The following EYS variants were observed in gnomAD, a reference collection of about 807,000 sequenced individuals.
The protein encoded by EYS is EGF-like photoreceptor maintenance factor, also known as protein eyes shut homolog.
EYS carries 250 observed loss-of-function variants against 282.1 expected under a neutral mutation model. That is an observed-to-expected ratio of 0.89 (90% CI 0.80 to 0.98). The LOEUF (loss-of-function observed/expected upper bound fraction) is 0.98. Among genes scored for constraint, EYS ranks in the 50% least tolerant of loss-of-function variants. The pLI, the probability that EYS is intolerant of heterozygous loss-of-function variation, is 0.00. For synonymous variants in EYS, 1,355 were observed against 1,282.9 expected, an observed-to-expected ratio of 1.06 and a Z score of -1.20; for missense variants, 4,016 against 3,709.0, an observed-to-expected ratio of 1.08 and a Z score of -2.15.
At chr6:64,154,785 A>G (rs1774860981) in intron 31 of EYS, among the ~76,000 whole-genome samples, 1 of 152,170 alleles carries the variant, frequency 6.6e-6, no homozygotes, top group Non-Finnish European at 1.5e-5. Context: ...TATACCATAT[A>G]CACAATTGTG....
intron 5 of EYS, among the ~76,000 whole-genome samples, chr6:65,478,410 G>T (rs1765484929): frequency 6.6e-6 from 1 of 152,088 alleles, no homozygotes; most frequent in Admixed American, 6.6e-5. Context: ...ATGAGAAGTT[G>T]TTATGCCAAA....
At chr6:64,347,594 G>GA (rs11377414) in intron 29 of EYS, among the ~76,000 whole-genome samples, 105,413 of 149,888 alleles carry the variant, frequency 0.7, 37,148 homozygotes, top group African/African-American at 0.75. Context: ...GATACGCAAA[G>GA]AAAAAAAAAC....
chr6:65,255,983 C>G (rs972363199), intron 12 of EYS, among the ~76,000 whole-genome samples: 10 of 152,008 alleles, frequency 6.6e-5, no homozygotes, highest in Non-Finnish European at 1.0e-4. Context: ...TATGATCCAG[C>G]AATCCTGTGC....
intron 30 of EYS, among the ~76,000 whole-genome samples, chr6:64,262,386 T>C (rs1365278837): frequency 6.6e-6 from 1 of 151,666 alleles, no homozygotes; most frequent in African/African-American, 2.4e-5. Context: ...ACAAATTGCA[T>C]AATTTGTATT....
chr6:64,755,543 C>T (rs1285068920), intron 22 of EYS, among the ~76,000 whole-genome samples: 2 of 145,862 alleles, frequency 1.4e-5, no homozygotes, highest in Non-Finnish European at 3.0e-5. Flanking sequence ...CACACACACA[C>T]ACGGAATACT....
chr6:64,986,609 T>C (rs1468106948), intron 14 of EYS, among the ~76,000 whole-genome samples: 1 of 151,408 alleles, frequency 6.6e-6, no homozygotes, highest in East Asian at 1.9e-4. Flanking sequence ...TTTGTTTCTA[T>C]GTATTAGGTT....
intron 33 of EYS, among the ~76,000 whole-genome samples, chr6:64,054,113 A>C (rs1303797611): frequency 2.0e-5 from 3 of 152,158 alleles, no homozygotes; most frequent in African/African-American, 7.2e-5. Flanking sequence ...CTTTATTCCT[A>C]GCATTCTTAT....
chr6:63,720,791 G>A lies in EYS; in HGVS notation c.9240C>T (p.Asn3080=), dbSNP rs1185165088. 6.4e-7 allele frequency: 1 copy of A among 1,550,806 alleles called. No homozygotes were observed. The highest frequency in any genetic ancestry group is 8.7e-7 in the Non-Finnish European group (1 of 1,146,532). ...IDPHKNFVAL[N]YDGICYLGGF... is the part of the protein sequence containing the mutation. The stretch of plus-strand genomic sequence containing the variant: ...CCCCTAGATAACAAATGCCATCATA[G>A]TTTAGAGCCACAAAGTTTTTATGTG... Residue 3080 remains asparagine, a synonymous_variant, in exon 43 of 43, where the codon AAC becomes AAT. Coordinates refer to ENST00000503581, the MANE Select transcript of EYS (RefSeq NM_001142800.2).
At chr6:64,983,450 T>C (rs1054005435) in intron 14 of EYS, among the ~76,000 whole-genome samples, 7 of 151,266 alleles carry the variant, frequency 4.6e-5, no homozygotes, top group Non-Finnish European at 1.0e-4. Flanking sequence ...CTTCACTCAA[T>C]TGAGTCAATA....
intron 22 of EYS, among the ~76,000 whole-genome samples, chr6:64,751,131 C>T (rs923366600): frequency 7.2e-5 from 11 of 152,172 alleles, no homozygotes; most frequent in African/African-American, 2.4e-4. Flanking sequence ...GCTTGAGTTG[C>T]CCCTCCCTTC....
intron 12 of EYS, among the ~76,000 whole-genome samples, chr6:65,285,380 A>G (rs1239333066): frequency 6.6e-6 from 1 of 152,022 alleles, no homozygotes; most frequent in Non-Finnish European, 1.5e-5. Flanking sequence ...AAAAATAACA[A>G]AAGATAGAGA....
At position 65,329,478 on chromosome 6, in the gene EYS, C is replaced by CA. The variant is rs1181087819; in HGVS notation, c.1766+5501dup. 4 of 974,288 alleles carry CA rather than the reference C, an allele frequency of 4.1e-6. No individual in the cohort carries two copies. The African/African-American group carries it at 7.0e-5, about 17-fold the overall frequency. 60.4% of individuals were successfully genotyped at this position (974,288 alleles called of 1,614,324 possible). ...TATCAGTGTATGTAAGTGCCTTAGA[C>CA]AAAAAGATTTAGACACTTGATCTAG... On this transcript the variant is annotated intron_variant, in intron 11 of 42. Coordinates refer to ENST00000503581, the MANE Select transcript of EYS (RefSeq NM_001142800.2).
chr6:64,458,588 C>CT (rs35441646), intron 26 of EYS, among the ~76,000 whole-genome samples: 42,131 of 151,858 alleles, frequency 0.28, 5,971 homozygotes, highest in East Asian at 0.47. Context: ...TGCTTCTTTT[C>CT]TTTGATGGTC....
In EYS at chr6:63,864,331, A is replaced by G. The variant is rs777738708; in HGVS notation, c.7083T>C (p.Cys2361=). ...ISDNENLFCE[C]PRLYSGKLCQ... ...ACAGCTTGCCTGAATACAGCCTTGGACACTCACAAAACAGATTTTCATTAT... is the reference window on the plus strand; with the variant it reads ...ACAGCTTGCCTGAATACAGCCTTGGGCACTCACAAAACAGATTTTCATTAT... Residue 2361 remains cysteine (C), a synonymous_variant, in exon 36 of 43, where the codon TGT becomes TGC. Transcript: ENST00000503581. 51 of 1,551,216 alleles carry G rather than the reference A, an allele frequency of 3.3e-5. No individual in the cohort carries two copies. Among genetic ancestry groups the G allele is most frequent in the Non-Finnish European group, 4.4e-5 (50 of 1,146,756 alleles).
chr6:64,974,598 A>G (rs1219704253), intron 14 of EYS, among the ~76,000 whole-genome samples: 1 of 151,848 alleles, frequency 6.6e-6, no homozygotes, highest in East Asian at 1.9e-4. Flanking sequence ...GGGGAGATTA[A>G]ACTACATTTT....
rs538786654 is a variant in EYS at position 63,881,298 on chromosome 6, T to G, written c.7056-16940A>C. On this transcript the variant is annotated intron_variant, in intron 35 of 42. Coordinates refer to ENST00000503581, the MANE Select transcript of EYS (RefSeq NM_001142800.2). The stretch of plus-strand genomic sequence containing the variant: ...TTGCTTCACTCAACAAATCCAAAAC[T>G]GCTAGGCTCACTATAGCACAGAAAT... 2.0e-5 allele frequency among the ~76,000 whole-genome samples: 3 copies of G among 152,298 alleles called. No individual in the cohort carries two copies. In the East Asian group the frequency reaches 5.8e-4, roughly 29 times the overall value.
chr6:64,101,787 TATAATGAA>T (rs971456073), intron 31 of EYS, among the ~76,000 whole-genome samples: 1 of 152,062 alleles, frequency 6.6e-6, no homozygotes, highest in Non-Finnish European at 1.5e-5. Context: ...CATTGTGATG[TATAATGAA>T]ATAATTATAC....
intron 31 of EYS, among the ~76,000 whole-genome samples, chr6:64,098,467 CTATT>C (rs1420423478): frequency 1.3e-5 from 2 of 152,002 alleles, no homozygotes; most frequent in Non-Finnish European, 2.9e-5. Flanking sequence ...ATAATCCTAT[CTATT>C]ATTTAGTGAT....
chr6:63,831,942 T>C (rs139080441), intron 36 of EYS, among the ~76,000 whole-genome samples: 1 of 152,000 alleles, frequency 6.6e-6, no homozygotes, highest in Non-Finnish European at 1.5e-5. Context: ...ACATGGAAAC[T>C]GAACAACCTG....
Sources: gnomAD v4.1 joint callset for allele counts (sites outside exome capture counted in the v4.1 genomes callset) on GRCh38, gnomAD v4.1.1 for gene constraint, MANE v1.5 for transcripts, NCBI Gene and HGNC (gene_info 2026-07-23, HGNC 2026-07-21) for gene names.